Variants in ZNF207 observed in about 807,000 individuals in gnomAD.
ZNF207 encodes BUB3-interacting and GLEBS motif-containing protein ZNF207.
Under a neutral mutation model 60.2 loss-of-function variants are expected in ZNF207, and 24 were observed. The ratio of observed to expected loss-of-function variants is 0.40; its 90% CI spans 0.29 to 0.56. The LOEUF is 0.56. Among genes scored for constraint, ZNF207 ranks in the 20% least tolerant of loss-of-function variants. The pLI, the probability that ZNF207 is intolerant of heterozygous loss-of-function variation, is 0.49. For synonymous variants in ZNF207, 236 were observed against 194.7 expected (o/e 1.21, Z -1.77); for missense variants, 452 against 636.6 (o/e 0.71, Z 3.12).
intron 2 of ZNF207, among the ~76,000 whole-genome samples, chr17:32,354,997 G>C (rs1904423783): frequency 6.6e-6 from 1 of 152,180 alleles, no homozygotes; most frequent in African/African-American, 2.4e-5. Flanking sequence ...AGAAGACTTA[G>C]AATATTCCAG....
At position 32,361,146 on chromosome 17, in the gene ZNF207, G is replaced by A. The variant is rs1178301017; in HGVS notation, c.551+179G>A. ...ATTTAAGGAATATAAATTTGCCTCT[G>A]AGTAATAGATTTTTGGGTTTTAGGG... On this transcript the variant is annotated intron_variant, in intron 5 of 11. Coordinates refer to ENST00000394670, the MANE Select transcript of ZNF207 (RefSeq NM_001098507.2). 4 of 709,484 alleles carry A rather than the reference G, an allele frequency of 5.6e-6. No homozygotes were observed. The Admixed American group carries it at 9.2e-5, about 16-fold the overall frequency. The allele number at this position is 709,484 out of a possible 1,614,324, so 43.9% of individuals were successfully genotyped here. A position where few individuals can be genotyped will look rare whatever the true frequency, so the allele number is the denominator to read the frequency against.
At chr17:32,368,093 C>G in intron 10 of ZNF207, 79 bp downstream of exon 10, 1 of 1,562,568 alleles carries the variant, frequency 6.4e-7, no homozygotes, top group Admixed American at 1.8e-5. Flanking sequence ...AATAAGTGTT[C>G]ATTTGTACTC....
chr17:32,369,181 A>G (rs1905346860), intron 10 of ZNF207, 114 bp from the exon 11 acceptor site: 2 of 1,173,078 alleles, frequency 1.7e-6, no homozygotes, highest in East Asian at 4.8e-5. Flanking sequence ...GTTGGGATGT[A>G]AGGGTAAATT....
intron 3 of ZNF207, among the ~76,000 whole-genome samples, chr17:32,360,125 T>A (rs1904769888): frequency 1.4e-5 from 2 of 146,932 alleles, no homozygotes; most frequent in African/African-American, 5.1e-5. Flanking sequence ...GTGCTTTAGG[T>A]AGCTGAGGCC....
In ZNF207 at chr17:32,360,919, C is replaced by G. The variant is rs1202597638; in HGVS notation, c.503C>G (p.Pro168Arg). Residue 168 changes from proline (P) to arginine (R), a missense_variant, in exon 5 of 12, where the codon CCT (proline) becomes CGT (arginine). By Grantham distance (103) the Pro-to-Arg change is moderately radical (BLOSUM62 -2). Coordinates refer to ENST00000394670, the MANE Select transcript of ZNF207 (RefSeq NM_001098507.2). ...PGIPPLMPGV[P>R]PLMPGMPPVM... ...ATACCTCCATTAATGCCAGGTGTTC[C>G]TCCTCTGATGCCAGGAATGCCACCA... 1.9e-6 allele frequency: 3 copies of G among 1,613,962 alleles called. No individual in the cohort carries two copies. Among genetic ancestry groups the G allele is most frequent in the Non-Finnish European group, 2.5e-6 (3 of 1,180,010 alleles).
At chr17:32,363,857 G>A (rs1431345252) in intron 7 of ZNF207, among the ~76,000 whole-genome samples, 1 of 151,916 alleles carries the variant, frequency 6.6e-6, no homozygotes, top group African/African-American at 2.4e-5. Context: ...AACGGTGTAG[G>A]CATTCATTGT....
rs1335772560 is a variant in ZNF207, at chr17:32,377,320, A to G, written c.*7561A>G. 6.6e-6 allele frequency: 1 copy of G among 152,006 alleles called. No homozygotes were observed. Among genetic ancestry groups the G allele is most frequent in the Non-Finnish European group, 1.5e-5 (1 of 67,870 alleles). The allele number at this position is 152,006 out of a possible 1,614,324, so 9.4% of individuals were successfully genotyped here. A position where few individuals can be genotyped will look rare whatever the true frequency, so the allele number is the denominator to read the frequency against. ...TGAAAAAAAAAAGATTTGCACCATC[A>G]TATCCGAGTCTTTACTAATAAAATG... On this transcript the variant is annotated 3_prime_UTR_variant, in exon 12 of 12. Coordinates refer to ENST00000394670, the MANE Select transcript of ZNF207 (RefSeq NM_001098507.2).
intron 1 of ZNF207, 68 bp from the exon 2 acceptor site, chr17:32,351,718 A>G (rs1270811039): frequency 6.2e-7 from 1 of 1,611,152 alleles, no homozygotes; most frequent in African/African-American, 1.3e-5. Context: ...TTGTAATGTT[A>G]TCCATATGTT....
intron 9 of ZNF207, 67 bp downstream of exon 9, chr17:32,366,824 TA>T: frequency 1.5e-6 from 2 of 1,375,564 alleles, no homozygotes; most frequent in Non-Finnish European, 2.0e-6. Context: ...GGACCCTACT[TA>T]AAAAATGAAT....
chr17:32,358,929 A>AGCTGGCACTACAG (rs1904700958), intron 3 of ZNF207, among the ~76,000 whole-genome samples: 1 of 151,648 alleles, frequency 6.6e-6, no homozygotes, highest in Non-Finnish European at 1.5e-5. Context: ...CCTCCTGAGT[A>AGCTGGCACTACAG]GCTGGCACTA....
rs747644513 is a variant in ZNF207, at chr17:32,377,568, T to C, written c.*7809T>C. 2 of 152,038 alleles carry C rather than the reference T, an allele frequency of 1.3e-5. No individual in the cohort carries two copies. Among genetic ancestry groups the C allele is most frequent in the Non-Finnish European group, 2.9e-5 (2 of 67,886 alleles). The allele number at this position is 152,038 out of a possible 1,614,324, so 9.4% of individuals were successfully genotyped here. ...TTTACAAAAGTTGAATTAAAAACTT[T>C]TAAAAATTGCTTGTCTTTGGGGGTA... On this transcript the variant is annotated 3_prime_UTR_variant, in exon 12 of 12. Coordinates refer to ENST00000394670, the MANE Select transcript of ZNF207 (RefSeq NM_001098507.2).
Position 32,369,580 on chromosome 17 carries a change from T to C in ZNF207, c.1325-19T>C. The C allele has an allele frequency of 6.4e-7, 1 of 1,561,114 alleles. No individual in the cohort carries two copies. Among genetic ancestry groups the C allele is most frequent in the Non-Finnish European group, 8.7e-7 (1 of 1,152,282 alleles). ...GCGTTAACAATCTATTTTTTTGTGT[T>C]TGAAATTCTTGATTTTAGGTCAGTA... On this transcript the variant is annotated intron_variant, in intron 11 of 11. Transcript: ENST00000394670.
Position 32,372,917 on chromosome 17 carries a change from A to G in ZNF207, c.*3158A>G, listed in dbSNP as rs1055212326. 6.6e-6 allele frequency: 1 copy of G among 152,310 alleles called. No homozygotes were observed. Among genetic ancestry groups the G allele is most frequent in the Non-Finnish European group, 1.5e-5 (1 of 68,098 alleles). 9.4% of individuals were successfully genotyped at this position (152,310 alleles called of 1,614,324 possible). A position where few individuals can be genotyped will look rare whatever the true frequency, so the allele number is the denominator to read the frequency against. On this transcript the variant is annotated 3_prime_UTR_variant, in exon 12 of 12. Coordinates refer to ENST00000394670, the MANE Select transcript of ZNF207 (RefSeq NM_001098507.2). ...TCATAATTAAGGAAGCTGTAAGGTT[A>G]GTAGGGCTGGCAACTTTGGCTCTAC...
At chr17:32,350,497 C>T in intron 1 of ZNF207, 171 bp downstream of exon 1, 1 of 782,028 alleles carries the variant, frequency 1.3e-6, no homozygotes, top group East Asian at 2.7e-5. Flanking sequence ...AAATGGGGTT[C>T]CGAGGTCGAC....
At chr17:32,353,334 A>G (rs1392355686) in intron 2 of ZNF207, among the ~76,000 whole-genome samples, 1 of 152,130 alleles carries the variant, frequency 6.6e-6, no homozygotes, top group Non-Finnish European at 1.5e-5. Context: ...AATTTTTGCT[A>G]AATTAGACCT....
rs1370696373 is a variant in ZNF207, at chr17:32,379,525, G to A, written c.*9766G>A. 3 of 152,014 alleles carry A rather than the reference G, an allele frequency of 2.0e-5. No individual in the cohort carries two copies. Among genetic ancestry groups the A allele is most frequent in the Admixed American group, 1.3e-4 (2 of 15,264 alleles). 9.4% of individuals were successfully genotyped at this position (152,014 alleles called of 1,614,324 possible). ...TCTTAAACATTTTTTTTAGTTGGCAGCCAAAAGATTTTTCTTAGTGCTTTG... is the reference window on the plus strand; with the variant it reads ...TCTTAAACATTTTTTTTAGTTGGCAACCAAAAGATTTTTCTTAGTGCTTTG... On this transcript the variant is annotated 3_prime_UTR_variant, in exon 12 of 12. Transcript: ENST00000394670.
At position 32,360,694 on chromosome 17, in the gene ZNF207, A is replaced by T. The variant is rs760642494; in HGVS notation, c.404A>T (p.Gln135Leu). Residue 135 changes from glutamine (Q) to leucine (L), a missense_variant, in exon 4 of 12, where the codon CAG (glutamine) becomes CTG (leucine). By Grantham distance (113) the Gln-to-Leu change is moderately radical (BLOSUM62 -2). Coordinates refer to ENST00000394670, the MANE Select transcript of ZNF207 (RefSeq NM_001098507.2). The stretch of plus-strand genomic sequence containing the variant: ...TTTCAGCCACAGCCTGTTCAACCTC[A>T]GCAAGGTTATATTCCTCCAATGGCA... Reference protein sequence around the residue: ...TSFQPQPVQPQQGYIPPMAQP... With the variant: ...TSFQPQPVQPLQGYIPPMAQP... 2.5e-6 allele frequency: 4 copies of T among 1,614,060 alleles called. No individual in the cohort carries two copies. The African/African-American group carries it at 4.0e-5, about 16-fold the overall frequency.
intron 6 of ZNF207, among the ~76,000 whole-genome samples, chr17:32,362,491 A>G (rs986270105): frequency 6.6e-6 from 1 of 152,218 alleles, no homozygotes; most frequent in African/African-American, 2.4e-5. Flanking sequence ...CACAGGGTAC[A>G]TTCATTCAAT....
intron 2 of ZNF207, among the ~76,000 whole-genome samples, chr17:32,353,513 G>C (rs1904319311): frequency 1.3e-5 from 2 of 152,126 alleles, no homozygotes; most frequent in East Asian, 3.9e-4. Context: ...CAGATGTGGT[G>C]GCTCACGCCT....
Sources: gnomAD v4.1 joint callset for allele counts (sites outside exome capture counted in the v4.1 genomes callset) on GRCh38, gnomAD v4.1.1 for gene constraint, MANE v1.5 for transcripts, NCBI Gene and HGNC (gene_info 2026-07-23, HGNC 2026-07-21) for gene names.